The following GPR63 variants were observed in gnomAD, a reference collection of about 807,000 sequenced individuals.
GPR63 encodes the protein G protein-coupled receptor 63.
In GPR63, 12 loss-of-function variants were observed where a neutral mutation model predicts 23.1. The observed-to-expected ratio is 0.52, with a 90% CI of 0.33 to 0.84. The LOEUF (loss-of-function observed/expected upper bound fraction) is 0.84, where lower values mean the gene tolerates loss of function less well. GPR63 is among the 40% of genes least tolerant of loss of function. The pLI is 0.02. For missense variants in GPR63, 472 were observed against 515.6 expected (o/e 0.92, Z 0.82); for synonymous variants, 172 against 191.1 (o/e 0.90, Z 0.82).
Position 96,795,792 on chromosome 6 carries a change from G to T in GPR63, c.*2680C>A, listed in dbSNP as rs980638870. ...ACAGATCATGCTGACTTTCCTCAGA[G>T]AAAAGTCTAATAAAAAATGTCCTTA... is the stretch of plus-strand genomic sequence containing the variant. On this transcript the variant is annotated 3_prime_UTR_variant, in exon 2 of 2. Transcript: ENST00000229955. 5.9e-5 allele frequency: 9 copies of T among 152,128 alleles called. No homozygotes were observed. Among genetic ancestry groups the T allele is most frequent in the African/African-American group, 2.2e-4 (9 of 41,422 alleles). The allele number at this position is 152,128 out of a possible 1,614,324, so 9.4% of individuals were successfully genotyped here.
At chr6:96,834,747 T>C (rs1774679609) in intron 1 of GPR63, among the ~76,000 whole-genome samples, 1 of 152,204 alleles carries the variant, frequency 6.6e-6, no homozygotes, top group South Asian at 2.1e-4. Context: ...CTGTGAAATG[T>C]GGTAACAAAC....
chr6:96,808,308 T>TA lies in GPR63; in HGVS notation c.-150-8428dup, dbSNP rs1214951456. ...GAAAAATACAAATACTTTTTTTCTT[T>TA]AAAAAAATGAGACTCAGTAAAAAGA... On this transcript the variant is annotated intron_variant, in intron 1 of 1. Transcript: ENST00000229955. Among the ~76,000 whole-genome samples the TA allele has an allele frequency of 2.0e-5, 3 of 152,136 alleles. No homozygotes were observed. The East Asian group carries it at 5.8e-4, about 29-fold the overall frequency.
intron 1 of GPR63, among the ~76,000 whole-genome samples, chr6:96,833,176 C>T (rs1328130): frequency 0.9 from 137,280 of 152,178 alleles, 62,050 homozygotes; most frequent in East Asian, 1. Flanking sequence ...ATGGATCTTA[C>T]TACAAAAGCC....
intron 1 of GPR63, among the ~76,000 whole-genome samples, chr6:96,817,910 G>A (rs960936433): frequency 8.6e-5 from 13 of 150,482 alleles, no homozygotes; most frequent in Non-Finnish European, 1.2e-4. Context: ...AACTGTGCCC[G>A]TATGATTGGT....
At chr6:96,808,511 A>T (rs941173498) in intron 1 of GPR63, among the ~76,000 whole-genome samples, 1 of 152,206 alleles carries the variant, frequency 6.6e-6, no homozygotes, top group Non-Finnish European at 1.5e-5. Flanking sequence ...CTACAATCCC[A>T]ATAGAACTGA....
intron 1 of GPR63, among the ~76,000 whole-genome samples, chr6:96,809,334 T>C (rs1205709340): frequency 1.3e-5 from 2 of 152,310 alleles, no homozygotes; most frequent in Admixed American, 6.5e-5. Context: ...CTGTTATCTC[T>C]ACCATGACTC....
Position 96,796,018 on chromosome 6 carries a change from A to G in GPR63, c.*2454T>C, listed in dbSNP as rs1239145317. 4 of 152,170 alleles carry G rather than the reference A, an allele frequency of 2.6e-5. No homozygotes were observed. Among genetic ancestry groups the G allele is most frequent in the Non-Finnish European group, 2.9e-5 (2 of 68,026 alleles). 9.4% of individuals were successfully genotyped at this position (152,170 alleles called of 1,614,324 possible). On this transcript the variant is annotated 3_prime_UTR_variant, in exon 2 of 2. Transcript: ENST00000229955. The stretch of plus-strand genomic sequence containing the variant: ...ATCCCAAAACAACATGTTGAATAAT[A>G]TGCTTGAGTCCCCAAAGAGCTCTTT...
chr6:96,811,519 T>C (rs1366135414), intron 1 of GPR63, among the ~76,000 whole-genome samples: 1 of 152,188 alleles, frequency 6.6e-6, no homozygotes, highest in East Asian at 1.9e-4. Flanking sequence ...AGATGTCACA[T>C]CATGTTCTTC....
At chr6:96,823,426 A>G (rs1774359283) in intron 1 of GPR63, among the ~76,000 whole-genome samples, 1 of 152,142 alleles carries the variant, frequency 6.6e-6, no homozygotes, top group Admixed American at 6.6e-5. Flanking sequence ...AGTTAACAAA[A>G]TTTTAATAGA....
intron 1 of GPR63, among the ~76,000 whole-genome samples, chr6:96,806,242 G>C (rs1773895369): frequency 6.6e-6 from 1 of 152,162 alleles, no homozygotes; most frequent in African/African-American, 2.4e-5. Flanking sequence ...TCAGAGGCCT[G>C]CCATCTTTTA....
At chr6:96,825,328 T>C (rs958351320) in intron 1 of GPR63, among the ~76,000 whole-genome samples, 4 of 152,038 alleles carry the variant, frequency 2.6e-5, no homozygotes, top group Admixed American at 1.3e-4. Context: ...AGGAAAAAAA[T>C]CAGACTTGAA....
At chr6:96,801,882 G>A (rs1773775172) in intron 1 of GPR63, among the ~76,000 whole-genome samples, 1 of 152,098 alleles carries the variant, frequency 6.6e-6, no homozygotes, top group African/African-American at 2.4e-5. Context: ...AGAGAGCAGT[G>A]GTAGTTGGAA....
chr6:96,835,146 A>G (rs375173170), intron 1 of GPR63, among the ~76,000 whole-genome samples: 1 of 152,298 alleles, frequency 6.6e-6, no homozygotes, highest in East Asian at 1.9e-4. Flanking sequence ...AGCCTTGTTA[A>G]GAGTTCGAGA....
rs1223447016 is a variant in GPR63, at chr6:96,795,969, GT to G, written c.*2502del. The G allele has an allele frequency of 6.6e-6, 1 of 152,144 alleles. No homozygotes were observed. Among genetic ancestry groups the G allele is most frequent in the African/African-American group, 2.4e-5 (1 of 41,430 alleles). 9.4% of individuals were successfully genotyped at this position (152,144 alleles called of 1,614,324 possible). On this transcript the variant is annotated 3_prime_UTR_variant, in exon 2 of 2. Coordinates refer to ENST00000229955, the MANE Select transcript of GPR63 (RefSeq NM_030784.4). Reference sequence around the variant, plus strand: ...TGAATAAAAATTAGAAATGAAAGAGGTAGGTGACTATCATTTGAAGATAATC... The same window carrying G: ...TGAATAAAAATTAGAAATGAAAGAGGAGGTGACTATCATTTGAAGATAATC...
intron 1 of GPR63, among the ~76,000 whole-genome samples, chr6:96,804,697 A>G (rs1057220732): frequency 6.6e-6 from 1 of 152,124 alleles, no homozygotes; most frequent in Non-Finnish European, 1.5e-5. Flanking sequence ...TCTAAATAAC[A>G]TGAAGAAATT....
At chr6:96,807,169 G>A (rs558271679) in intron 1 of GPR63, among the ~76,000 whole-genome samples, 9 of 152,326 alleles carry the variant, frequency 5.9e-5, no homozygotes, top group African/African-American at 2.2e-4. Flanking sequence ...TTGATAATCA[G>A]GCAGACAAGA....
intron 1 of GPR63, among the ~76,000 whole-genome samples, chr6:96,812,168 A>C (rs544393056): frequency 2.4e-4 from 37 of 152,262 alleles, no homozygotes; most frequent in African/African-American, 8.7e-4. Flanking sequence ...TTTGCAAGGC[A>C]TATCTAACCT....
intron 1 of GPR63, among the ~76,000 whole-genome samples, chr6:96,808,990 A>G (rs142552352): frequency 0.02 from 2,603 of 128,814 alleles, 73 homozygotes; most frequent in African/African-American, 0.074. Flanking sequence ...TTCTTTCTTT[A>G]TCTCGTCCTG....
intron 1 of GPR63, among the ~76,000 whole-genome samples, chr6:96,834,841 T>C (rs868729448): frequency 9.8e-4 from 149 of 152,224 alleles, no homozygotes; most frequent in African/African-American, 3.5e-3. Context: ...CATTAATGGG[T>C]CCCTCTCTCA....
Sources: allele counts gnomAD v4.1 joint callset (sites outside exome capture counted in the v4.1 genomes callset), GRCh38; gene constraint gnomAD v4.1.1; transcripts MANE v1.5; gene names NCBI Gene and HGNC (gene_info 2026-07-23, HGNC 2026-07-21).